The following TSPAN18 variants were observed in gnomAD, a reference collection of about 807,000 sequenced individuals.
The protein encoded by TSPAN18 is tetraspanin-18.
Under a neutral mutation model 27.3 loss-of-function variants are expected in TSPAN18, and 14 were observed. That is an observed-to-expected ratio of 0.51 (90% CI 0.34 to 0.80). TSPAN18 has a LOEUF of 0.80. TSPAN18 is among the 30% of genes least tolerant of loss of function. The pLI is 0.01. For missense variants in TSPAN18, 268 were observed against 323.9 expected (o/e 0.83, Z 1.32); for synonymous variants, 143 against 136.5 (o/e 1.05, Z -0.33).
intron 2 of TSPAN18, among the ~76,000 whole-genome samples, chr11:44,782,558 A>G (rs1221350230): frequency 3.3e-5 from 5 of 151,774 alleles, no homozygotes; most frequent in Non-Finnish European, 5.9e-5. Flanking sequence ...AAAAAAAAAA[A>G]AAAAGAAAGA....
chr11:44,840,272 G>A (rs766636619), intron 2 of TSPAN18, among the ~76,000 whole-genome samples: 1 of 152,294 alleles, frequency 6.6e-6, no homozygotes, highest in African/African-American at 2.4e-5. Flanking sequence ...GCCAGGGAGT[G>A]GGGGAGGCAG....
intron 3 of TSPAN18, among the ~76,000 whole-genome samples, chr11:44,888,465 C>G (rs835767): frequency 0.13 from 20,219 of 152,048 alleles, 1,505 homozygotes; most frequent in East Asian, 0.17. Context: ...CCATCTAGTA[C>G]CCCCTGTATT....
chr11:44,886,817 T>TTCACGCAGGAA (rs1489867058), intron 3 of TSPAN18, among the ~76,000 whole-genome samples: 8 of 152,354 alleles, frequency 5.3e-5, no homozygotes, highest in African/African-American at 1.9e-4. Flanking sequence ...AGTTAGTTCA[T>TTCACGCAGGAA]TCACGCAGGA....
intron 2 of TSPAN18, among the ~76,000 whole-genome samples, chr11:44,817,570 C>T (rs1286987512): frequency 1.3e-5 from 2 of 152,214 alleles, no homozygotes; most frequent in East Asian, 3.9e-4. Context: ...AGCAATTGAC[C>T]AGAGGCCAAG....
chr11:44,928,371 C>A (rs975848601), intron 9 of TSPAN18, among the ~76,000 whole-genome samples: 1 of 152,184 alleles, frequency 6.6e-6, no homozygotes, highest in Non-Finnish European at 1.5e-5. Flanking sequence ...GAGCTGGAGG[C>A]GAGCCTGCAG....
chr11:44,729,744 C>G (rs1854606244), intron 1 of TSPAN18, among the ~76,000 whole-genome samples: 1 of 152,112 alleles, frequency 6.6e-6, no homozygotes, highest in African/African-American at 2.4e-5. Flanking sequence ...ACACCTTGGG[C>G]TGAGTCCAGG....
intron 1 of TSPAN18, among the ~76,000 whole-genome samples, chr11:44,751,737 GCCAACGT>G (rs1396212522): frequency 6.6e-6 from 1 of 152,058 alleles, no homozygotes; most frequent in African/African-American, 2.4e-5. Flanking sequence ...GACCAGCCTG[GCCAACGT>G]GGTAAAGCCC....
intron 2 of TSPAN18, among the ~76,000 whole-genome samples, chr11:44,772,133 A>G (rs1333492181): frequency 2.6e-5 from 4 of 152,154 alleles, no homozygotes; most frequent in African/African-American, 7.2e-5. Context: ...ATCCAGCTAC[A>G]TTGGGGAGGG....
intron 2 of TSPAN18, among the ~76,000 whole-genome samples, chr11:44,784,607 G>A (rs553021346): frequency 3.3e-5 from 5 of 152,220 alleles, no homozygotes; most frequent in East Asian, 1.9e-4. Context: ...TTCACTGTCC[G>A]TCTCCATCCC....
intron 9 of TSPAN18, 54 bp from the exon 10 acceptor site, chr11:44,929,077 C>A: frequency 6.2e-7 from 1 of 1,609,912 alleles, no homozygotes; most frequent in East Asian, 2.2e-5. Context: ...GCCAGGCAGC[C>A]CACAAAGGGC....
intron 2 of TSPAN18, among the ~76,000 whole-genome samples, chr11:44,855,885 A>ATTT (rs981326296): frequency 1.3e-5 from 2 of 149,992 alleles, no homozygotes; most frequent in Admixed American, 6.7e-5. Flanking sequence ...ATTTATTTTA[A>ATTT]TTTTTTGTTG....
At position 44,727,071 on chromosome 11, in the gene TSPAN18, AGCCCCGGCCCCGGCCCCGGCCCCG is replaced by A. The variant is rs765673237; in HGVS notation, c.-442_-419del. 3 of 74,374 alleles carry A rather than the reference AGCCCCGGCCCCGGCCCCGGCCCCG, an allele frequency of 4.0e-5. No homozygotes were observed. Among genetic ancestry groups the A allele is most frequent in the African/African-American group, 6.4e-5 (2 of 31,210 alleles). 4.6% of individuals were successfully genotyped at this position (74,374 alleles called of 1,614,324 possible). A position where few individuals can be genotyped will look rare whatever the true frequency, so the allele number is the denominator to read the frequency against. ...GAGCCCCAGCCCCGGCCCCGGCCCC[AGCCCCGGCCCCGGCCCCGGCCCCG>A]GCCCCGGCCCCGGTCCCGGCCCCGA... On this transcript the variant is annotated 5_prime_UTR_variant, in exon 1 of 10. Transcript: ENST00000520358.
At chr11:44,744,610 C>G (rs1026210594) in intron 1 of TSPAN18, among the ~76,000 whole-genome samples, 8 of 152,166 alleles carry the variant, frequency 5.3e-5, no homozygotes, top group Non-Finnish European at 4.4e-5. Context: ...AAACCCAAAC[C>G]TAATGCACAA....
chr11:44,909,692 C>G lies in TSPAN18; in HGVS notation c.64-13C>G. 1 of 1,603,792 alleles carries G rather than the reference C, an allele frequency of 6.2e-7. No individual in the cohort carries two copies. Among genetic ancestry groups the G allele is most frequent in the Non-Finnish European group, 8.5e-7 (1 of 1,176,758 alleles). ...CCTGTTTCTCCTCCCAACTCCTCCA[C>G]TGGCCCGAGCAGCTGGGCGGGGCCT... On this transcript the variant is annotated splice_polypyrimidine_tract_variant and intron_variant, in intron 4 of 9. Coordinates refer to ENST00000520358, the MANE Select transcript of TSPAN18 (RefSeq NM_130783.5).
chr11:44,892,980 G>A (rs1408964277), intron 3 of TSPAN18, among the ~76,000 whole-genome samples: 1 of 152,204 alleles, frequency 6.6e-6, no homozygotes, highest in African/African-American at 2.4e-5. Context: ...AAGAGCAGCG[G>A]GCTTCATGTC....
intron 3 of TSPAN18, among the ~76,000 whole-genome samples, chr11:44,871,268 G>T (rs76703612): frequency 0.01 from 1,584 of 152,220 alleles, 27 homozygotes; most frequent in African/African-American, 0.036. Flanking sequence ...GTGCTAGCAT[G>T]GTAGGGTTCC....
intron 2 of TSPAN18, among the ~76,000 whole-genome samples, chr11:44,772,033 G>C (rs762789171): frequency 6.6e-6 from 1 of 152,206 alleles, no homozygotes; most frequent in Non-Finnish European, 1.5e-5. Flanking sequence ...GGCAGGAGAA[G>C]CCCAGTGTTC....
chr11:44,880,083 C>T (rs572274752), intron 3 of TSPAN18, among the ~76,000 whole-genome samples: 46 of 152,316 alleles, frequency 3.0e-4, no homozygotes, highest in African/African-American at 1.1e-3. Flanking sequence ...GGAATCCTGG[C>T]CTGTCATCCA....
chr11:44,741,447 A>G (rs975733587), intron 1 of TSPAN18, among the ~76,000 whole-genome samples: 10 of 147,478 alleles, frequency 6.8e-5, no homozygotes, highest in African/African-American at 2.0e-4. Context: ...TCAGACATGT[A>G]TGTGTGTGTG....
Sources: allele counts gnomAD v4.1 joint callset (sites outside exome capture counted in the v4.1 genomes callset), GRCh38; gene constraint gnomAD v4.1.1; transcripts MANE v1.5; gene names NCBI Gene and HGNC (gene_info 2026-07-23, HGNC 2026-07-21).